EFCAB13: variants seen among roughly 807,000 people sequenced by gnomAD.
The protein encoded by EFCAB13 is EF-hand calcium-binding domain-containing protein 13.
Under a neutral mutation model 110.2 loss-of-function variants are expected in EFCAB13, and 91 were observed. That is an observed-to-expected ratio of 0.83 (90% CI 0.70 to 0.98). The LOEUF is 0.98. EFCAB13 is among the 50% of genes least tolerant of loss of function. The pLI is 0.00. For synonymous variants in EFCAB13, 323 were observed against 369.9 expected (o/e 0.87, Z 1.45); for missense variants, 968 against 1,119.4 (o/e 0.86, Z 1.93).
chr17:47,330,201 G>C (rs188875966), intron 4 of EFCAB13, among the ~76,000 whole-genome samples: 29 of 151,040 alleles, frequency 1.9e-4, no homozygotes, highest in Admixed American at 1.1e-3. Context: ...TTTCTTTTTG[G>C]GGGGGTGGGG....
At chr17:47,346,433 A>AATCCC (rs2065416316) in intron 8 of EFCAB13, among the ~76,000 whole-genome samples, 1 of 94,362 alleles carries the variant, frequency 1.1e-5, no homozygotes, top group Non-Finnish European at 2.0e-5. Flanking sequence ...AACGTACTTT[A>AATCCC]CCCCCCCCCC....
chr17:47,367,446 C>A (rs1030778955), intron 10 of EFCAB13, among the ~76,000 whole-genome samples: 2 of 152,184 alleles, frequency 1.3e-5, no homozygotes, highest in Non-Finnish European at 2.9e-5. Flanking sequence ...TGCCCCACCC[C>A]GCCGCCATGG....
chr17:47,378,492 AT>A lies in EFCAB13; in HGVS notation c.1510+593del, dbSNP rs767759351. Among the ~76,000 whole-genome samples the A allele has an allele frequency of 2.0e-5, 3 of 152,290 alleles. No individual in the cohort carries two copies. In the East Asian group the frequency reaches 5.8e-4, roughly 29 times the overall value. ...CAATTGAGGAGAGGAAAGAGGTGAC[AT>A]TTTGGGGAAAGACTGATTGGAGAAT... is the stretch of plus-strand genomic sequence containing the variant. On this transcript the variant is annotated intron_variant, in intron 13 of 24. Coordinates refer to ENST00000331493, the MANE Select transcript of EFCAB13 (RefSeq NM_152347.5).
At chr17:47,417,390 A>C (rs950042752) in intron 23 of EFCAB13, among the ~76,000 whole-genome samples, 1 of 152,222 alleles carries the variant, frequency 6.6e-6, no homozygotes, top group Admixed American at 6.5e-5. Context: ...ATGTTTCTCT[A>C]TGATACCAAT....
chr17:47,430,010 G>A, intron 24 of EFCAB13, 49 bp downstream of exon 24: 1 of 1,516,974 alleles, frequency 6.6e-7, no homozygotes, highest in Non-Finnish European at 8.9e-7. Flanking sequence ...CTCTACCACA[G>A]GGGTGGAAGG....
intron 18 of EFCAB13, among the ~76,000 whole-genome samples, chr17:47,402,924 G>A (rs1216009196): frequency 2.0e-5 from 3 of 152,180 alleles, no homozygotes; most frequent in East Asian, 3.9e-4. Context: ...ATGCTATTCT[G>A]CTTCCTGGTC....
At chr17:47,391,788 A>T (rs112989974) in intron 15 of EFCAB13, among the ~76,000 whole-genome samples, 13,367 of 146,920 alleles carry the variant, frequency 0.091, 848 homozygotes, top group East Asian at 0.35. Flanking sequence ...CTTTTTAATT[A>T]AAAAAAAATT....
At position 47,411,294 on chromosome 17, in the gene EFCAB13, T is replaced by G. The variant is rs372862239; in HGVS notation, c.2279-1479T>G. On this transcript the variant is annotated intron_variant, in intron 21 of 24. Transcript: ENST00000331493. ...TACTTAGCACAATTTAAATTGGCTC[T>G]ATTTGCTTTTGCATTTATTTGCATA... is the stretch of plus-strand genomic sequence containing the variant. 2.6e-5 allele frequency among the ~76,000 whole-genome samples: 4 copies of G among 152,222 alleles called. No individual in the cohort carries two copies. The East Asian group carries it at 7.7e-4, about 29-fold the overall frequency.
chr17:47,409,359 A>G (rs1172175492), intron 20 of EFCAB13: 1 of 312,648 alleles, frequency 3.2e-6, no homozygotes, highest in East Asian at 5.2e-5. Flanking sequence ...CCGGCTGGGG[A>G]TTAACTTCTC....
At chr17:47,434,912 C>CA (rs1353559103) in intron 24 of EFCAB13, among the ~76,000 whole-genome samples, 2 of 151,196 alleles carry the variant, frequency 1.3e-5, no homozygotes, top group Non-Finnish European at 2.9e-5. Context: ...AGACTTAAAT[C>CA]AAAGATTTGA....
intron 14 of EFCAB13, among the ~76,000 whole-genome samples, chr17:47,390,950 T>TC (rs1259615381): frequency 1.5e-4 from 14 of 95,946 alleles, no homozygotes; most frequent in African/African-American, 5.5e-4. Context: ...CTATCTATCA[T>TC]ATATTTTTTG....
Position 47,374,965 on chromosome 17 carries a change from G to C in EFCAB13, c.1371G>C (p.Leu457=), listed in dbSNP as rs754286784. The C allele has an allele frequency of 2.6e-5, 41 of 1,550,862 alleles. No individual in the cohort carries two copies. The highest frequency in any genetic ancestry group is 3.4e-5 in the Non-Finnish European group (39 of 1,157,018). The change falls in exon 12 of 25, where the codon CTG becomes CTC. Residue 457 remains leucine (L), a splice_region_variant and synonymous_variant. Transcript: ENST00000331493. ...CGGAAAAAACTGCAATTAGTACTCT[G>C]GGTAAGTAAAAATCTAGGTTCTTGA... is the stretch of plus-strand genomic sequence containing the variant. The part of the protein sequence containing the change: ...SSTEKTAIST[L]ENFCEAISKL...
In EFCAB13 at chr17:47,415,266, T is replaced by C. The variant is rs955324896; in HGVS notation, c.2494+347T>C. Among the ~76,000 whole-genome samples, 10 of 152,052 alleles carry C rather than the reference T, an allele frequency of 6.6e-5. No individual in the cohort carries two copies. In the South Asian group the frequency reaches 2.1e-3, roughly 32 times the overall value. On this transcript the variant is annotated intron_variant, in intron 23 of 24. Coordinates refer to ENST00000331493, the MANE Select transcript of EFCAB13 (RefSeq NM_152347.5). ...GTGGGGGGACAGGGGAGGGATAGCT[T>C]TAGGAGATATACCTAATGCTAAATG...
chr17:47,432,710 C>G (rs1002795440), intron 24 of EFCAB13, among the ~76,000 whole-genome samples: 2 of 151,824 alleles, frequency 1.3e-5, no homozygotes, highest in Non-Finnish European at 1.5e-5. Flanking sequence ...CATTGGCTAT[C>G]TTTTTTTTAG....
intron 2 of EFCAB13, among the ~76,000 whole-genome samples, chr17:47,326,008 A>G (rs2065284136): frequency 6.8e-6 from 1 of 146,500 alleles, no homozygotes; most frequent in Non-Finnish European, 1.5e-5. Context: ...AGCCTAGGAG[A>G]GAACCTAGTG....
At chr17:47,326,912 T>C (rs141851889) in intron 3 of EFCAB13, among the ~76,000 whole-genome samples, 1 of 152,342 alleles carries the variant, frequency 6.6e-6, no homozygotes, top group African/African-American at 2.4e-5. Context: ...TGATTTTAAG[T>C]ACTCTGTCTT....
chr17:47,386,303 C>T (rs1034583580), intron 14 of EFCAB13, among the ~76,000 whole-genome samples: 1 of 152,172 alleles, frequency 6.6e-6, no homozygotes, highest in African/African-American at 2.4e-5. Flanking sequence ...TCTATAACCC[C>T]TTGACTGGGG....
Position 47,345,122 on chromosome 17 carries a change from T to C in EFCAB13, c.517+24T>C, listed in dbSNP as rs374691469. 1,718 of 1,514,798 alleles carry C rather than the reference T, an allele frequency of 1.1e-3. 3 individuals carry two copies. Among genetic ancestry groups the C allele is most frequent in the Non-Finnish European group, 1.4e-3 (1,564 of 1,107,040 alleles). 93.8% of individuals were successfully genotyped at this position (1,514,798 alleles called of 1,614,324 possible). A position where few individuals can be genotyped will look rare whatever the true frequency, so the allele number is the denominator to read the frequency against. On this transcript the variant is annotated intron_variant, in intron 8 of 24. Coordinates refer to ENST00000331493, the MANE Select transcript of EFCAB13 (RefSeq NM_152347.5). ...TGGTAATAAGAGGTTCTAAAATTTC[T>C]TGAATACATTTCCTGGTTATGTGCT...
intron 5 of EFCAB13, among the ~76,000 whole-genome samples, chr17:47,340,991 G>T (rs540544251): frequency 6.6e-6 from 1 of 151,896 alleles, no homozygotes; most frequent in East Asian, 1.9e-4. Context: ...GACATTATGT[G>T]CTTCCTGATG....
Sources: gnomAD v4.1 joint callset for allele counts (sites outside exome capture counted in the v4.1 genomes callset) on GRCh38, gnomAD v4.1.1 for gene constraint, MANE v1.5 for transcripts, NCBI Gene and HGNC (gene_info 2026-07-23, HGNC 2026-07-21) for gene names.